Variants in HECW2 observed in about 807,000 individuals in gnomAD.
The protein encoded by HECW2 is E3 ubiquitin-protein ligase HECW2.
In HECW2, 61 loss-of-function variants were observed where a neutral mutation model predicts 175.2. The observed-to-expected ratio is 0.35, with a 90% CI of 0.28 to 0.43. HECW2 has a LOEUF of 0.43. HECW2 is among the 20% of genes least tolerant of loss of function. HECW2 has a pLI of 1.00. For synonymous variants in HECW2, 671 were observed against 731.0 expected (o/e 0.92, Z 1.32); for missense variants, 1,524 against 2,000.5 (o/e 0.76, Z 4.54).
intron 1 of HECW2, among the ~76,000 whole-genome samples, chr2:196,463,319 ATGTT>A (rs1468283083): frequency 6.6e-6 from 1 of 151,448 alleles, no homozygotes; most frequent in East Asian, 1.9e-4. Context: ...AGTGCCTAGA[ATGTT>A]TGGGAATGGA....
intron 1 of HECW2, among the ~76,000 whole-genome samples, chr2:196,447,474 G>T (rs1260805953): frequency 6.6e-6 from 1 of 152,114 alleles, no homozygotes; most frequent in Non-Finnish European, 1.5e-5. Context: ...ACATGAACTG[G>T]TAAAAGATTC....
chr2:196,381,752 C>T (rs1479729198), intron 2 of HECW2, among the ~76,000 whole-genome samples: 3 of 152,058 alleles, frequency 2.0e-5, no homozygotes, highest in African/African-American at 7.2e-5. Context: ...AAGAAGACAG[C>T]TTTCCTAAAC....
At chr2:196,414,086 CTCT>C (rs1695189561) in intron 2 of HECW2, among the ~76,000 whole-genome samples, 1 of 152,220 alleles carries the variant, frequency 6.6e-6, no homozygotes, top group Non-Finnish European at 1.5e-5. Context: ...CCCTGATTTT[CTCT>C]TCTTTGCTGC....
intron 1 of HECW2, chr2:196,592,323 T>G (rs1691228411): frequency 6.6e-6 from 1 of 152,206 alleles, no homozygotes; most frequent in South Asian, 2.1e-4. Flanking sequence ...ACTCTAATTG[T>G]GAGCTCTCTG....
chr2:196,202,544 A>G (rs1368533421), intron 28 of HECW2, among the ~76,000 whole-genome samples: 1 of 152,212 alleles, frequency 6.6e-6, no homozygotes, highest in Non-Finnish European at 1.5e-5. Flanking sequence ...AAATAACAGA[A>G]ACATGCTTAA....
At chr2:196,519,202 G>A (rs923368389) in intron 1 of HECW2, among the ~76,000 whole-genome samples, 7 of 152,140 alleles carry the variant, frequency 4.6e-5, no homozygotes, top group African/African-American at 1.4e-4. Context: ...AGCATGCCCA[G>A]TCTCAAACCT....
chr2:196,451,058 T>C (rs1476894163), intron 1 of HECW2, among the ~76,000 whole-genome samples: 1 of 152,162 alleles, frequency 6.6e-6, no homozygotes, highest in Non-Finnish European at 1.5e-5. Context: ...AAATAAAATA[T>C]TTTTATTAAT....
chr2:196,521,307 A>AC (rs1688371500), intron 1 of HECW2, among the ~76,000 whole-genome samples: 1 of 147,218 alleles, frequency 6.8e-6, no homozygotes, highest in African/African-American at 2.5e-5. Context: ...AAAAAAAAAA[A>AC]GAAAGAAAAA....
rs146507457 is a variant in HECW2 at position 196,411,256 on chromosome 2, C to T, written c.292+21876G>A. 4.5e-3 allele frequency among the ~76,000 whole-genome samples: 682 copies of T among 152,266 alleles called. 6 individuals carry two copies. Among genetic ancestry groups the T allele is most frequent in the African/African-American group, 0.015 (635 of 41,544 alleles). On this transcript the variant is annotated intron_variant, in intron 2 of 28. Transcript: ENST00000644978. ...CTGGCCTAAAGCAATCCTCCCACCT[C>T]CATCTCCCAAAGTGTTGGGATTACA... is the stretch of plus-strand genomic sequence containing the variant.
chr2:196,430,295 T>C (rs1695671358), intron 2 of HECW2, among the ~76,000 whole-genome samples: 1 of 152,126 alleles, frequency 6.6e-6, no homozygotes, highest in Non-Finnish European at 1.5e-5. Context: ...ATAAACCTGC[T>C]TATTAGAAAA....
chr2:196,445,765 C>T (rs1696164657), intron 1 of HECW2, among the ~76,000 whole-genome samples: 1 of 152,112 alleles, frequency 6.6e-6, no homozygotes, highest in South Asian at 2.1e-4. Context: ...GGCCATGAAA[C>T]ATGGCATGCA....
intron 1 of HECW2, among the ~76,000 whole-genome samples, chr2:196,589,714 T>C (rs1393417191): frequency 1.3e-5 from 2 of 152,206 alleles, no homozygotes; most frequent in African/African-American, 2.4e-5. Flanking sequence ...ACACTAGATC[T>C]TGAAACTTGC....
chr2:196,369,242 A>G (rs895956667), intron 2 of HECW2, among the ~76,000 whole-genome samples: 8 of 152,158 alleles, frequency 5.3e-5, no homozygotes, highest in Non-Finnish European at 7.4e-5. Context: ...AGACTCCTAT[A>G]GGTACCACCT....
intron 1 of HECW2, among the ~76,000 whole-genome samples, chr2:196,589,928 T>A (rs1691124539): frequency 6.6e-6 from 1 of 152,244 alleles, no homozygotes; most frequent in Non-Finnish European, 1.5e-5. Context: ...AAAACTATTT[T>A]ATTCACTATG....
chr2:196,201,844 G>C (rs2105754947), intron 28 of HECW2, among the ~76,000 whole-genome samples: 1 of 152,200 alleles, frequency 6.6e-6, no homozygotes, highest in East Asian at 1.9e-4. Flanking sequence ...CTTGGACAGG[G>C]AAGAGGAGCC....
At chr2:196,317,733 T>C (rs1691755597) in intron 9 of HECW2, among the ~76,000 whole-genome samples, 1 of 151,496 alleles carries the variant, frequency 6.6e-6, no homozygotes, top group African/African-American at 2.4e-5. Flanking sequence ...AAGGGGATCA[T>C]GTAGGTAGAA....
chr2:196,567,597 C>T (rs1437570350), intron 1 of HECW2, among the ~76,000 whole-genome samples: 1 of 152,142 alleles, frequency 6.6e-6, no homozygotes, highest in Non-Finnish European at 1.5e-5. Flanking sequence ...AGCCTATTGC[C>T]CTAGGGAAAG....
chr2:196,432,246 A>G (rs1477963456), intron 2 of HECW2, among the ~76,000 whole-genome samples: 1 of 152,126 alleles, frequency 6.6e-6, no homozygotes, highest in African/African-American at 2.4e-5. Flanking sequence ...TTAAAAAAAA[A>G]AGGGCGGCGG....
intron 2 of HECW2, among the ~76,000 whole-genome samples, chr2:196,357,592 A>G (rs1016347109): frequency 5.3e-5 from 8 of 152,184 alleles, no homozygotes; most frequent in Non-Finnish European, 1.2e-4. Flanking sequence ...TTATTCACCA[A>G]CAAAGTTTGG....
Sources: gnomAD v4.1 joint callset for allele counts (sites outside exome capture counted in the v4.1 genomes callset) on GRCh38, gnomAD v4.1.1 for gene constraint, MANE v1.5 for transcripts, NCBI Gene and HGNC (gene_info 2026-07-23, HGNC 2026-07-21) for gene names.